The following MTUS2 variants were observed in gnomAD, a reference collection of about 807,000 sequenced individuals.
MTUS2 encodes the protein microtubule associated scaffold protein 2.
A neutral mutation model predicts 114.1 loss-of-function variants in MTUS2; 40 were observed. That is an observed-to-expected ratio of 0.35 (90% CI 0.27 to 0.46). The LOEUF (loss-of-function observed/expected upper bound fraction) is 0.46. MTUS2 is among the 20% of genes least tolerant of loss of function. The probability of loss-of-function intolerance (pLI) is 1.00; values close to 1 mark genes in which losing one functional copy is unlikely to be tolerated. For synonymous variants in MTUS2, 688 were observed against 672.0 expected (o/e 1.02, Z -0.37); for missense variants, 1,679 against 1,705.4 (o/e 0.98, Z 0.27).
intron 2 of MTUS2, among the ~76,000 whole-genome samples, chr13:28,978,328 A>C (rs949489161): frequency 8.5e-5 from 13 of 152,144 alleles, no homozygotes; most frequent in African/African-American, 3.1e-4. Flanking sequence ...TTGACCCTTC[A>C]CTTTGTAGAG....
intron 5 of MTUS2, among the ~76,000 whole-genome samples, chr13:29,157,887 A>G (rs968098783): frequency 6.6e-6 from 1 of 152,206 alleles, no homozygotes; most frequent in Admixed American, 6.5e-5. Context: ...AAAGCTCAAC[A>G]CTGGGCATAG....
chr13:29,019,069 T>G (rs977191002), intron 2 of MTUS2, among the ~76,000 whole-genome samples: 1 of 152,142 alleles, frequency 6.6e-6, no homozygotes, highest in Admixed American at 6.5e-5. Context: ...GTCATGGTAC[T>G]TCAGCCTCAT....
At chr13:28,841,311 G>A (rs1426827795) in intron 2 of MTUS2, among the ~76,000 whole-genome samples, 5 of 152,178 alleles carry the variant, frequency 3.3e-5, no homozygotes, top group Admixed American at 6.5e-5. Flanking sequence ...ACTGGTGATT[G>A]GAAAGTTATT....
At chr13:29,091,376 G>T (rs1889939839) in intron 4 of MTUS2, among the ~76,000 whole-genome samples, 3 of 152,130 alleles carry the variant, frequency 2.0e-5, no homozygotes, top group Non-Finnish European at 4.4e-5. Context: ...AAGCTTGAGG[G>T]TCAGGATTTT....
chr13:29,292,052 A>G (rs893894701), intron 6 of MTUS2, among the ~76,000 whole-genome samples: 1 of 152,238 alleles, frequency 6.6e-6, no homozygotes, highest in Admixed American at 6.5e-5. Context: ...TATCAAGCCA[A>G]TTAAAAAGCA....
chr13:29,463,541 A>G (rs1372542278), intron 9 of MTUS2, among the ~76,000 whole-genome samples: 1 of 152,158 alleles, frequency 6.6e-6, no homozygotes, highest in Non-Finnish European at 1.5e-5. Flanking sequence ...CACACGCCCT[A>G]TTGGGGCATT....
chr13:28,835,940 A>G (rs558149977), intron 1 of MTUS2, among the ~76,000 whole-genome samples: 52 of 152,286 alleles, frequency 3.4e-4, no homozygotes, highest in African/African-American at 1.2e-3. Flanking sequence ...TCAGCACTGC[A>G]GTAGTCTTTG....
At chr13:28,909,520 G>T (rs1880268039) in intron 2 of MTUS2, among the ~76,000 whole-genome samples, 2 of 152,038 alleles carry the variant, frequency 1.3e-5, no homozygotes, top group South Asian at 4.1e-4. Flanking sequence ...GGTATTTATG[G>T]GATGTATCTG....
chr13:29,076,235 T>C (rs193288096), intron 4 of MTUS2, among the ~76,000 whole-genome samples: 44 of 152,354 alleles, frequency 2.9e-4, no homozygotes, highest in Admixed American at 2.3e-3. Flanking sequence ...TCAAGTTCCT[T>C]ACAGCTTCCA....
intron 6 of MTUS2, among the ~76,000 whole-genome samples, chr13:29,306,121 A>T (rs920979915): frequency 3.9e-5 from 6 of 152,260 alleles, no homozygotes; most frequent in African/African-American, 1.4e-4. Flanking sequence ...TAAACTAGGT[A>T]TTGAAGGAAC....
At chr13:29,127,402 T>A (rs535745527) in intron 5 of MTUS2, among the ~76,000 whole-genome samples, 16 of 152,340 alleles carry the variant, frequency 1.1e-4, no homozygotes, top group Non-Finnish European at 1.5e-4. Context: ...TAGATGTCCT[T>A]AACATCTATA....
At chr13:29,004,485 T>A (rs1000395786) in intron 2 of MTUS2, among the ~76,000 whole-genome samples, 1 of 152,222 alleles carries the variant, frequency 6.6e-6, no homozygotes, top group Non-Finnish European at 1.5e-5. Context: ...TGAATGTTTG[T>A]AAGATAGATT....
intron 5 of MTUS2, among the ~76,000 whole-genome samples, chr13:29,148,990 CAT>C (rs758749346): frequency 1.6e-4 from 25 of 152,288 alleles, no homozygotes; most frequent in Middle Eastern, 3.4e-3. Context: ...CTGTAGTAAA[CAT>C]ATGTGTGCAT....
rs115415484 is a variant in MTUS2, at chr13:29,390,376, G to A, written c.3117+30903G>A. ...CATTAAGTTTGAAAATAATGTGGCC[G>A]GTTGCTGTGGCTCACACCTGTAATC... On this transcript the variant is annotated intron_variant, in intron 8 of 15. Transcript: ENST00000612955. Among the ~76,000 whole-genome samples the A allele has an allele frequency of 3.6e-3, 550 of 151,952 alleles. 3 individuals are homozygous for A. Among genetic ancestry groups the A allele is most frequent in the African/African-American group, 0.013 (524 of 41,456 alleles).
intron 2 of MTUS2, among the ~76,000 whole-genome samples, chr13:28,965,096 G>A (rs545422132): frequency 1.3e-5 from 2 of 152,242 alleles, no homozygotes; most frequent in African/African-American, 4.8e-5. Flanking sequence ...AACCCGTGTT[G>A]TCATAATGAA....
At chr13:29,447,699 C>T (rs185230357) in intron 9 of MTUS2, among the ~76,000 whole-genome samples, 7 of 148,964 alleles carry the variant, frequency 4.7e-5, no homozygotes, top group East Asian at 2.0e-4. Context: ...GTGGGGTTTA[C>T]GGGAATTGGG....
At chr13:29,040,525 AGGAGT>A (rs1388673476) in intron 4 of MTUS2, among the ~76,000 whole-genome samples, 8 of 152,284 alleles carry the variant, frequency 5.3e-5, no homozygotes, top group African/African-American at 1.9e-4. Flanking sequence ...TAGTTCTTTA[AGGAGT>A]CTCCACACTG....
At chr13:29,266,075 G>A (rs927119124) in intron 5 of MTUS2, among the ~76,000 whole-genome samples, 3 of 152,108 alleles carry the variant, frequency 2.0e-5, no homozygotes, top group Admixed American at 2.0e-4. Flanking sequence ...GAGGACCAGT[G>A]GCAGGAAGAA....
chr13:28,975,354 A>T (rs544974371), intron 2 of MTUS2, among the ~76,000 whole-genome samples: 1 of 152,368 alleles, frequency 6.6e-6, no homozygotes, highest in African/African-American at 2.4e-5. Flanking sequence ...CGGCATGGTC[A>T]GTGGGGTCTT....
Sources: gnomAD v4.1 joint callset for allele counts (sites outside exome capture counted in the v4.1 genomes callset) on GRCh38, gnomAD v4.1.1 for gene constraint, MANE v1.5 for transcripts, NCBI Gene and HGNC (gene_info 2026-07-23, HGNC 2026-07-21) for gene names.